The following RNF217 variants were observed in gnomAD, a reference collection of about 807,000 sequenced individuals.
RNF217 encodes the protein ring finger protein 217, also known as E3 ubiquitin-protein ligase RNF217.
A neutral mutation model predicts 57.8 loss-of-function variants in RNF217; 31 were observed. The ratio of observed to expected loss-of-function variants is 0.54; its 90% CI spans 0.40 to 0.72. RNF217 has a LOEUF of 0.72. Among genes scored for constraint, RNF217 ranks in the 30% least tolerant of loss-of-function variants. The pLI is 0.00. For synonymous variants in RNF217, 313 were observed against 294.0 expected, an observed-to-expected ratio of 1.06 and a Z score of -0.66; for missense variants, 696 against 708.3, an observed-to-expected ratio of 0.98 and a Z score of 0.20.
intron 1 of RNF217, among the ~76,000 whole-genome samples, chr6:124,974,839 G>A (rs1040089452): frequency 6.6e-6 from 1 of 152,138 alleles, no homozygotes; most frequent in African/African-American, 2.4e-5. Context: ...CGTGTGATTC[G>A]TATCTTCTTG....
At chr6:125,041,426 T>C (rs753803130) in intron 1 of RNF217, among the ~76,000 whole-genome samples, 1 of 152,176 alleles carries the variant, frequency 6.6e-6, no homozygotes, top group Non-Finnish European at 1.5e-5. Flanking sequence ...TGATTTGTAT[T>C]GTCTTTATAT....
At chr6:125,031,251 G>A (rs369759929) in intron 1 of RNF217, among the ~76,000 whole-genome samples, 1 of 152,238 alleles carries the variant, frequency 6.6e-6, no homozygotes, top group African/African-American at 2.4e-5. Context: ...TGCGATGAAG[G>A]CCTCTGACAT....
At chr6:125,081,929 T>C (rs1338098942) in intron 5 of RNF217, among the ~76,000 whole-genome samples, 1 of 152,086 alleles carries the variant, frequency 6.6e-6, no homozygotes, top group Non-Finnish European at 1.5e-5. Flanking sequence ...ATAATGTCAG[T>C]GTGTACAGGA....
intron 3 of RNF217, among the ~76,000 whole-genome samples, chr6:125,063,650 T>C (rs1787830194): frequency 6.6e-6 from 1 of 150,982 alleles, no homozygotes; most frequent in Admixed American, 6.6e-5. Flanking sequence ...AGTGATTTGA[T>C]AAAACTTTAA....
chr6:125,024,128 A>G (rs1268472086), intron 1 of RNF217, among the ~76,000 whole-genome samples: 1 of 152,216 alleles, frequency 6.6e-6, no homozygotes, highest in Non-Finnish European at 1.5e-5. Flanking sequence ...AACAAAGAGT[A>G]CTCCAAAGCC....
chr6:124,968,687 C>T (rs1395342304), intron 1 of RNF217, among the ~76,000 whole-genome samples: 1 of 152,162 alleles, frequency 6.6e-6, no homozygotes, highest in Non-Finnish European at 1.5e-5. Context: ...GTACTGCTGA[C>T]CTAAGGCATC....
chr6:124,988,770 A>G (rs1365663668), intron 1 of RNF217, among the ~76,000 whole-genome samples: 4 of 152,174 alleles, frequency 2.6e-5, no homozygotes, highest in Non-Finnish European at 5.9e-5. Context: ...ATCTTTGCCT[A>G]TAGTTATTCC....
At chr6:125,081,542 A>G (rs140804633) in intron 5 of RNF217, 35 bp downstream of exon 5, 1 of 1,506,932 alleles carries the variant, frequency 6.6e-7, no homozygotes, top group Non-Finnish European at 9.2e-7. Flanking sequence ...GATTAGAATT[A>G]TCTGAGGGCC....
rs1351412710 is a variant in RNF217 at position 124,962,670 on chromosome 6, G to A, written c.126G>A (p.Pro42=). ...AGGGGGACAGCGCCCGGGCGCCCCC[G>A]CTGCGCGCCGCCTCCGCGGAGCCGA... The part of the protein sequence containing the change: ...RPQGDSARAP[P]LRAASAEPSG... The change falls in exon 1 of 6, where the codon CCG becomes CCA. Residue 42 remains proline, a synonymous_variant. Transcript: ENST00000521654. This position sits in a 1 kb window ranked among gnomAD's most constrained non-coding sequence, Gnocchi z 4.6. 7.5e-7 allele frequency: 1 copy of A among 1,340,222 alleles called. No individual in the cohort carries two copies. Among genetic ancestry groups the A allele is most frequent in the Non-Finnish European group, 9.5e-7 (1 of 1,056,956 alleles). 83.0% of individuals were successfully genotyped at this position (1,340,222 alleles called of 1,614,324 possible). A position where few individuals can be genotyped will look rare whatever the true frequency, so the allele number is the denominator to read the frequency against.
At chr6:125,078,802 A>G (rs1788469281) in intron 4 of RNF217, among the ~76,000 whole-genome samples, 1 of 152,068 alleles carries the variant, frequency 6.6e-6, no homozygotes, top group South Asian at 2.1e-4. Flanking sequence ...TCTCTCATCC[A>G]CACATATTTT....
At chr6:125,054,037 A>T (rs1352494627) in intron 2 of RNF217, among the ~76,000 whole-genome samples, 1 of 152,146 alleles carries the variant, frequency 6.6e-6, no homozygotes, top group African/African-American at 2.4e-5. Flanking sequence ...CTGATACGTG[A>T]TACCTAAACT....
In RNF217 at chr6:125,086,866, A is replaced by T. The variant is rs549135210; in HGVS notation, c.*3929A>T. On this transcript the variant is annotated 3_prime_UTR_variant, in exon 6 of 6. Transcript: ENST00000521654. ...GAAAATACCTTGTTCTGTGACTCTG[A>T]CTATCTCTTGAGTCCCAAGGCTCCA... 6.6e-6 allele frequency: 1 copy of T among 152,174 alleles called. No homozygotes were observed. The highest frequency in any genetic ancestry group is 2.4e-5 in the African/African-American group (1 of 41,540). 9.4% of individuals were successfully genotyped at this position (152,174 alleles called of 1,614,324 possible).
chr6:124,983,511 T>A, intron 1 of RNF217: 1 of 983,286 alleles, frequency 1.0e-6, no homozygotes, highest in Non-Finnish European at 1.2e-6. Context: ...TTACAGGTTA[T>A]ATAATTAAAG....
rs981649560 is a variant in RNF217, at chr6:125,083,279, A to G, written c.*342A>G. 52 of 178,700 alleles carry G rather than the reference A, an allele frequency of 2.9e-4. No individual in the cohort carries two copies. The highest frequency in any genetic ancestry group is 1.2e-3 in the African/African-American group (50 of 42,214). 11.1% of individuals were successfully genotyped at this position (178,700 alleles called of 1,614,324 possible). A position where few individuals can be genotyped will look rare whatever the true frequency, so the allele number is the denominator to read the frequency against. On this transcript the variant is annotated 3_prime_UTR_variant, in exon 6 of 6. Coordinates refer to ENST00000521654, the MANE Select transcript of RNF217 (RefSeq NM_001286398.3). The stretch of plus-strand genomic sequence containing the variant: ...CACGCCTCTTCTGAGAATTGCTTGG[A>G]CTGTCTTTGAACTCTGCACCTCCTT...
At chr6:124,963,560 C>G in intron 1 of RNF217, 134 bp downstream of exon 1, 1 of 1,098,762 alleles carries the variant, frequency 9.1e-7, no homozygotes, top group Non-Finnish European at 1.2e-6. Context: ...TAGTTTCTCA[C>G]GTCTCAGTTG....
At chr6:125,038,163 CT>C (rs1786722534) in intron 1 of RNF217, among the ~76,000 whole-genome samples, 1 of 152,178 alleles carries the variant, frequency 6.6e-6, no homozygotes, top group Non-Finnish European at 1.5e-5. Flanking sequence ...CAATTTTTTC[CT>C]TTCAAGCATG....
chr6:124,984,215 T>A (rs917060238), intron 1 of RNF217, among the ~76,000 whole-genome samples: 1 of 152,116 alleles, frequency 6.6e-6, no homozygotes, highest in Non-Finnish European at 1.5e-5. Context: ...CACTTGTGTA[T>A]GGGAACTTGG....
intron 1 of RNF217, among the ~76,000 whole-genome samples, chr6:124,987,980 G>A (rs976780326): frequency 8.5e-5 from 13 of 152,126 alleles, no homozygotes; most frequent in African/African-American, 3.1e-4. Context: ...CCCCAATCCA[G>A]GGATCAATCC....
At chr6:125,038,312 A>G (rs1582739194) in intron 1 of RNF217, among the ~76,000 whole-genome samples, 1 of 152,176 alleles carries the variant, frequency 6.6e-6, no homozygotes, top group Non-Finnish European at 1.5e-5. Context: ...AAGTTAGATG[A>G]CATGTTATTT....
Sources: allele counts gnomAD v4.1 joint callset (sites outside exome capture counted in the v4.1 genomes callset), GRCh38; gene constraint gnomAD v4.1.1; non-coding constraint Gnocchi (gnomAD v3.1); transcripts MANE v1.5; gene names NCBI Gene and HGNC (gene_info 2026-07-23, HGNC 2026-07-21).